Variants in QSOX1 observed in about 807,000 individuals in gnomAD.
QSOX1 encodes the protein sulfhydryl oxidase 1.
In QSOX1, 40 loss-of-function variants were observed where a neutral mutation model predicts 76.1. The ratio of observed to expected loss-of-function variants is 0.53; its 90% CI spans 0.41 to 0.68. The LOEUF is 0.68. QSOX1 is among the 30% of genes least tolerant of loss of function. QSOX1 has a pLI of 0.00. For missense variants in QSOX1, 931 were observed against 974.3 expected (o/e 0.96, Z 0.59); for synonymous variants, 392 against 413.1 (o/e 0.95, Z 0.62).
chr1:180,167,029 G>A (rs539402841), intron 2 of QSOX1, among the ~76,000 whole-genome samples: 12 of 152,226 alleles, frequency 7.9e-5, no homozygotes, highest in Admixed American at 5.2e-4. Context: ...TCCCCGGCAC[G>A]GGAGTTATCA....
chr1:180,167,154 G>A (rs767701508), intron 2 of QSOX1, among the ~76,000 whole-genome samples: 1 of 152,202 alleles, frequency 6.6e-6, no homozygotes, highest in Non-Finnish European at 1.5e-5. Context: ...CTTAATTAAC[G>A]TCTGAACAGC....
At chr1:180,185,072 C>A (rs1663140712) in intron 7 of QSOX1, among the ~76,000 whole-genome samples, 1 of 152,144 alleles carries the variant, frequency 6.6e-6, no homozygotes, top group Non-Finnish European at 1.5e-5. Flanking sequence ...CTTCTGGAGG[C>A]AGGGCACAGG....
chr1:180,190,606 C>T (rs1178891229), intron 10 of QSOX1, 26 bp downstream of exon 10: 2 of 1,602,296 alleles, frequency 1.2e-6, no homozygotes, highest in Non-Finnish European at 1.7e-6. Flanking sequence ...GTTCACCCCA[C>T]TGTGCCTCCA....
At chr1:180,172,137 C>T (rs1662773514) in intron 2 of QSOX1, among the ~76,000 whole-genome samples, 1 of 152,136 alleles carries the variant, frequency 6.6e-6, no homozygotes, top group South Asian at 2.1e-4. Context: ...GGAAGGAGGG[C>T]CTCTCTTCAT....
chr1:180,179,038 T>C (rs1253195640), intron 5 of QSOX1, among the ~76,000 whole-genome samples, 154 bp downstream of exon 5: 1 of 152,228 alleles, frequency 6.6e-6, no homozygotes, highest in Admixed American at 6.5e-5. Flanking sequence ...CCATGGGAAG[T>C]GCAGGAGCTG....
chr1:180,176,125 C>G (rs1662886862), intron 4 of QSOX1, 92 bp downstream of exon 4: 4 of 1,041,154 alleles, frequency 3.8e-6, no homozygotes, highest in Non-Finnish European at 5.7e-6. Flanking sequence ...GCGGGGACCC[C>G]AGTTTATTTT....
chr1:180,164,513 G>A (rs766297506), intron 1 of QSOX1, among the ~76,000 whole-genome samples: 2 of 152,190 alleles, frequency 1.3e-5, no homozygotes, highest in African/African-American at 2.4e-5. Flanking sequence ...GGGTGGTGTG[G>A]CCACAGGCCT....
At position 180,155,856 on chromosome 1, in the gene QSOX1, C is replaced by A. The variant is rs3767195; in HGVS notation, c.265+684C>A. Among the ~76,000 whole-genome samples the A allele has an allele frequency of 0.023, 3,531 of 152,266 alleles. 185 individuals carry two copies. The East Asian group carries it at 0.23, about 10-fold the overall frequency. The stretch of plus-strand genomic sequence containing the variant: ...CCCGCTCAGACCCTTATATTTTAAA[C>A]CCATGCACCCAGAGGCCTTTGGTGC... On this transcript the variant is annotated intron_variant, in intron 1 of 11. Coordinates refer to ENST00000367602, the MANE Select transcript of QSOX1 (RefSeq NM_002826.5).
At chr1:180,193,446 G>A (rs546553435) in intron 10 of QSOX1, among the ~76,000 whole-genome samples, 6 of 151,972 alleles carry the variant, frequency 3.9e-5, no homozygotes, top group Non-Finnish European at 7.4e-5. Flanking sequence ...GGAGAGTAGG[G>A]TGCCAACGTC....
At chr1:180,157,541 C>T (rs796866790) in intron 1 of QSOX1, among the ~76,000 whole-genome samples, 8 of 152,258 alleles carry the variant, frequency 5.3e-5, no homozygotes, top group African/African-American at 1.9e-4. Flanking sequence ...GTGAAGGTCA[C>T]AGGGAGAGAG....
In QSOX1 at chr1:180,202,163, A is replaced by C. The variant is rs1207741677; in HGVS notation, c.*5126A>C. On this transcript the variant is annotated 3_prime_UTR_variant, in exon 12 of 12. Coordinates refer to ENST00000367602, the MANE Select transcript of QSOX1 (RefSeq NM_002826.5). ...AAGTTAAGGGGCAGTCCATGGGGGC[A>C]TTGACCTTACTTAGGTGAGGAGGAC... The C allele has an allele frequency of 6.6e-6, 1 of 152,332 alleles. No homozygotes were observed. The highest frequency in any genetic ancestry group is 1.9e-4 in the East Asian group (1 of 5,200). 9.4% of individuals were successfully genotyped at this position (152,332 alleles called of 1,614,324 possible). A position where few individuals can be genotyped will look rare whatever the true frequency, so the allele number is the denominator to read the frequency against.
chr1:180,169,551 C>T (rs1328227768), intron 2 of QSOX1, among the ~76,000 whole-genome samples: 3 of 152,222 alleles, frequency 2.0e-5, no homozygotes, highest in Non-Finnish European at 4.4e-5. Context: ...GGACCGTTGC[C>T]AAGTGTGAAG....
At chr1:180,189,793 G>A (rs1398288846) in intron 9 of QSOX1, 119 bp downstream of exon 9, 15 of 1,158,200 alleles carry the variant, frequency 1.3e-5, no homozygotes, top group African/African-American at 3.1e-5. Flanking sequence ...AGTGATCTTC[G>A]TTGGGTCCTA....
At chr1:180,175,436 A>G (rs909135992) in intron 3 of QSOX1, 70 bp downstream of exon 3, 103 of 1,531,906 alleles carry the variant, frequency 6.7e-5, no homozygotes, top group Non-Finnish European at 8.6e-5. Flanking sequence ...CTGGGTTTCT[A>G]TTGGGGTGGA....
chr1:180,195,021 C>T (rs942317307), intron 11 of QSOX1, among the ~76,000 whole-genome samples: 7 of 150,682 alleles, frequency 4.6e-5, no homozygotes, highest in Non-Finnish European at 1.5e-5. Context: ...AGGGCGGAGC[C>T]GAGGTTAAAG....
At chr1:180,166,692 C>T (rs1373983964) in intron 2 of QSOX1, 101 bp downstream of exon 2, 1 of 1,194,820 alleles carries the variant, frequency 8.4e-7, no homozygotes. Context: ...CAGATTTCAG[C>T]TGCTCTGATT....
At chr1:180,178,686 C>T (rs970627506) in intron 4 of QSOX1, 108 bp from the exon 5 acceptor site, 15 of 940,712 alleles carry the variant, frequency 1.6e-5, no homozygotes, top group Admixed American at 3.6e-5. Context: ...CGGAGGAGGG[C>T]GGGATGGCCA....
chr1:180,179,216 A>T (rs1166090938), intron 5 of QSOX1, among the ~76,000 whole-genome samples: 1 of 152,232 alleles, frequency 6.6e-6, no homozygotes, highest in East Asian at 1.9e-4. Context: ...CACAGCTAGT[A>T]AGTTGGTAGA....
intron 2 of QSOX1, among the ~76,000 whole-genome samples, chr1:180,169,879 C>T (rs368201758): frequency 2.0e-5 from 3 of 152,342 alleles, no homozygotes; most frequent in African/African-American, 7.2e-5. Context: ...GCTGGGCTCA[C>T]GGAGCTCTTT....
Sources: allele counts gnomAD v4.1 joint callset (sites outside exome capture counted in the v4.1 genomes callset), GRCh38; gene constraint gnomAD v4.1.1; transcripts MANE v1.5; gene names NCBI Gene and HGNC (gene_info 2026-07-23, HGNC 2026-07-21).